GPC5: variants seen among roughly 807,000 people sequenced by gnomAD.
GPC5 encodes the protein glypican-5.
In GPC5, 47 loss-of-function variants were observed where a neutral mutation model predicts 53.9. The ratio of observed to expected loss-of-function variants is 0.87; its 90% CI spans 0.69 to 1.11. GPC5 has a LOEUF of 1.11. GPC5 is among the 50% of genes most tolerant of loss of function. The pLI is 0.00. For synonymous variants in GPC5, 286 were observed against 263.3 expected, an observed-to-expected ratio of 1.09 and a Z score of -0.84; for missense variants, 748 against 713.1, an observed-to-expected ratio of 1.05 and a Z score of -0.56.
intron 2 of GPC5, among the ~76,000 whole-genome samples, chr13:91,497,083 A>T (rs1348337206): frequency 2.0e-5 from 3 of 151,604 alleles, no homozygotes; most frequent in East Asian, 1.9e-4. Context: ...GTTTTTTTTT[A>T]AAGATATTTA....
At chr13:91,721,116 T>C in intron 3 of GPC5, among the ~76,000 whole-genome samples, 1 of 139,020 alleles carries the variant, frequency 7.2e-6, no homozygotes, top group African/African-American at 2.7e-5. Flanking sequence ...TTTCTTTCTT[T>C]CTTTCTTTCT....
intron 7 of GPC5, among the ~76,000 whole-genome samples, chr13:92,382,979 G>T (rs547544303): frequency 1.4e-5 from 2 of 146,462 alleles, no homozygotes; most frequent in Admixed American, 7.0e-5. Context: ...CTCCAGCCTG[G>T]GCTACAGAGC....
chr13:92,087,856 A>G (rs1431605362), intron 6 of GPC5, among the ~76,000 whole-genome samples: 1 of 152,192 alleles, frequency 6.6e-6, no homozygotes, highest in Non-Finnish European at 1.5e-5. Flanking sequence ...ATGTCATTCC[A>G]ATGTGAGAGA....
chr13:92,238,874 C>G (rs1047945132), intron 7 of GPC5, among the ~76,000 whole-genome samples: 3 of 151,578 alleles, frequency 2.0e-5, no homozygotes, highest in Non-Finnish European at 4.4e-5. Flanking sequence ...TCTTCTACAG[C>G]TTTTTTTAGT....
intron 6 of GPC5, among the ~76,000 whole-genome samples, chr13:92,038,613 A>G (rs756333805): frequency 5.3e-5 from 8 of 151,148 alleles, no homozygotes; most frequent in African/African-American, 1.2e-4. Context: ...TGTCTTATAC[A>G]CCAAATGCCT....
intron 6 of GPC5, among the ~76,000 whole-genome samples, chr13:92,058,291 T>C (rs922015625): frequency 1.3e-5 from 2 of 152,178 alleles, no homozygotes; most frequent in African/African-American, 4.8e-5. Flanking sequence ...CCTCCCGTAG[T>C]GGTGGAATTA....
intron 1 of GPC5, among the ~76,000 whole-genome samples, chr13:91,401,553 AC>A (rs888645012): frequency 3.9e-5 from 6 of 152,188 alleles, no homozygotes; most frequent in African/African-American, 1.4e-4. Flanking sequence ...ACTGACTAAA[AC>A]AAACACATTT....
intron 6 of GPC5, among the ~76,000 whole-genome samples, chr13:92,141,771 G>A (rs115495012): frequency 1.4e-4 from 22 of 152,266 alleles, no homozygotes; most frequent in African/African-American, 4.6e-4. Flanking sequence ...CAGTTTGGGA[G>A]CTGAGGGGGA....
rs10467332 is a variant in GPC5 at position 92,539,108 on chromosome 13, C to A, written c.1562-327174C>A. ...GGTATATAGTAGAATGATTTATAAT[C>A]CTTTGGGTATATAGTAGAATGATTT... is the stretch of plus-strand genomic sequence containing the variant. On this transcript the variant is annotated intron_variant, in intron 7 of 7. Transcript: ENST00000377067. 7.9e-3 allele frequency among the ~76,000 whole-genome samples: 1,069 copies of A among 134,942 alleles called. 322 individuals carry two copies. Among genetic ancestry groups the A allele is most frequent in the African/African-American group, 0.031 (984 of 31,346 alleles). 88.5% of individuals were successfully genotyped at this position (134,942 alleles called of 152,430 possible). A position where few individuals can be genotyped will look rare whatever the true frequency, so the allele number is the denominator to read the frequency against.
At chr13:92,808,495 A>C (rs184231910) in intron 7 of GPC5, among the ~76,000 whole-genome samples, 16 of 152,198 alleles carry the variant, frequency 1.1e-4, no homozygotes, top group African/African-American at 3.8e-4. Context: ...TTCTAAGTGA[A>C]TTGCTTTCAA....
chr13:92,308,617 G>A (rs750578004), intron 7 of GPC5, among the ~76,000 whole-genome samples: 2 of 152,124 alleles, frequency 1.3e-5, no homozygotes, highest in East Asian at 1.9e-4. Context: ...AGATTGAAGA[G>A]CCTTGTTTAA....
intron 2 of GPC5, among the ~76,000 whole-genome samples, chr13:91,670,707 A>G (rs2035224465): frequency 6.6e-6 from 1 of 152,136 alleles, no homozygotes; most frequent in Admixed American, 6.6e-5. Context: ...TCAGTTGCTG[A>G]GGGCGGGGCA....
chr13:91,885,405 T>G (rs942623739), intron 5 of GPC5, among the ~76,000 whole-genome samples: 1 of 152,242 alleles, frequency 6.6e-6, no homozygotes, highest in Non-Finnish European at 1.5e-5. Context: ...TAGTTGCTAT[T>G]TAAATATGGA....
At chr13:92,063,402 C>T (rs2138855825) in intron 6 of GPC5, among the ~76,000 whole-genome samples, 1 of 152,106 alleles carries the variant, frequency 6.6e-6, no homozygotes, top group East Asian at 1.9e-4. Flanking sequence ...AGGAAAATGA[C>T]AAACTGATTG....
At chr13:91,506,514 A>T (rs758269901) in intron 2 of GPC5, among the ~76,000 whole-genome samples, 1 of 152,152 alleles carries the variant, frequency 6.6e-6, no homozygotes, top group Non-Finnish European at 1.5e-5. Context: ...ACAAAATTGC[A>T]TAAAATTCTG....
At chr13:91,858,784 C>T (rs545737402) in intron 5 of GPC5, among the ~76,000 whole-genome samples, 3 of 151,816 alleles carry the variant, frequency 2.0e-5, no homozygotes, top group Non-Finnish European at 4.4e-5. Context: ...ACCATTAGGT[C>T]CTGGATTTTT....
chr13:92,780,409 G>GCA (rs1875978429), intron 7 of GPC5, among the ~76,000 whole-genome samples: 1 of 147,274 alleles, frequency 6.8e-6, no homozygotes, highest in Admixed American at 6.8e-5. Context: ...ATATAATTAA[G>GCA]TGTAATTTAT....
intron 7 of GPC5, among the ~76,000 whole-genome samples, chr13:92,750,065 C>T (rs1172221805): frequency 6.6e-6 from 1 of 152,112 alleles, no homozygotes; most frequent in East Asian, 1.9e-4. Context: ...AAAAGGTAGG[C>T]TGAACAAGAA....
intron 5 of GPC5, among the ~76,000 whole-genome samples, chr13:91,854,968 A>G (rs1262023361): frequency 1.3e-5 from 2 of 151,682 alleles, no homozygotes; most frequent in Non-Finnish European, 3.0e-5. Context: ...TAAGATGTTC[A>G]CTATTTTATG....
Sources: gnomAD v4.1 joint callset for allele counts (sites outside exome capture counted in the v4.1 genomes callset) on GRCh38, gnomAD v4.1.1 for gene constraint, MANE v1.5 for transcripts, NCBI Gene and HGNC (gene_info 2026-07-23, HGNC 2026-07-21) for gene names.